Variants in FOXN3 observed in about 807,000 individuals in gnomAD.
The protein encoded by FOXN3 is forkhead box N3, also known as forkhead box protein N3.
Under a neutral mutation model 38.4 loss-of-function variants are expected in FOXN3, and 7 were observed. That is an observed-to-expected ratio of 0.18 (90% CI 0.10 to 0.34). The LOEUF (loss-of-function observed/expected upper bound fraction) is 0.34, where lower values mean the gene tolerates loss of function less well. Ranked by LOEUF, FOXN3 falls within the 10% of genes least tolerant of loss-of-function variation. The pLI, the probability that FOXN3 is intolerant of heterozygous loss-of-function variation, is 1.00. For missense variants in FOXN3, 456 were observed against 613.4 expected, an observed-to-expected ratio of 0.74 and a Z score of 2.71; for synonymous variants, 230 against 242.2, an observed-to-expected ratio of 0.95 and a Z score of 0.47.
chr14:89,430,927 T>G (rs1281930451), intron 1 of FOXN3, among the ~76,000 whole-genome samples: 2 of 152,210 alleles, frequency 1.3e-5, no homozygotes, highest in African/African-American at 4.8e-5. Context: ...GCTAAAGGCA[T>G]GATAAATCAT....
chr14:89,598,853 G>T (rs770664300), intron 1 of FOXN3, among the ~76,000 whole-genome samples: 1 of 152,010 alleles, frequency 6.6e-6, no homozygotes, highest in African/African-American at 2.4e-5. Flanking sequence ...GTTCTCGTTA[G>T]CTTTGTTATC....
At chr14:89,600,304 G>A (rs1430075845) in intron 1 of FOXN3, among the ~76,000 whole-genome samples, 1 of 152,130 alleles carries the variant, frequency 6.6e-6, no homozygotes, top group Non-Finnish European at 1.5e-5. Flanking sequence ...AGACTGTATG[G>A]TCATCCTAAT....
At chr14:89,495,413 T>C (rs1417499347) in intron 1 of FOXN3, among the ~76,000 whole-genome samples, 1 of 152,184 alleles carries the variant, frequency 6.6e-6, no homozygotes, top group Non-Finnish European at 1.5e-5. Context: ...ATGATAATAA[T>C]AATAAATTCA....
At chr14:89,187,737 A>G (rs1388514476) in intron 4 of FOXN3, among the ~76,000 whole-genome samples, 1 of 152,154 alleles carries the variant, frequency 6.6e-6, no homozygotes, top group African/African-American at 2.4e-5. Flanking sequence ...CAAGCTGCAG[A>G]TACATTCCTC....
intron 1 of FOXN3, among the ~76,000 whole-genome samples, chr14:89,556,530 C>T (rs1257863697): frequency 1.3e-5 from 2 of 151,988 alleles, no homozygotes; most frequent in Admixed American, 6.6e-5. Flanking sequence ...GCATACCTAC[C>T]CCTGGAGATC....
At chr14:89,166,040 C>T (rs1887232374) in intron 5 of FOXN3, among the ~76,000 whole-genome samples, 1 of 152,224 alleles carries the variant, frequency 6.6e-6, no homozygotes, top group Non-Finnish European at 1.5e-5. Flanking sequence ...AAAGCAAGTG[C>T]TCCACAGTGC....
intron 1 of FOXN3, among the ~76,000 whole-genome samples, chr14:89,583,224 T>C (rs1357409097): frequency 1.3e-5 from 2 of 152,238 alleles, no homozygotes; most frequent in Non-Finnish European, 2.9e-5. Flanking sequence ...TGCTATGGCT[T>C]GAATGTTTTT....
chr14:89,450,562 A>G (rs953371323), intron 1 of FOXN3, among the ~76,000 whole-genome samples: 1 of 151,490 alleles, frequency 6.6e-6, no homozygotes, highest in Non-Finnish European at 1.5e-5. Flanking sequence ...CAGCTCAGAA[A>G]AAAATAACAT....
chr14:89,261,076 T>C (rs1245128226), intron 4 of FOXN3, among the ~76,000 whole-genome samples: 1 of 152,210 alleles, frequency 6.6e-6, no homozygotes, highest in Non-Finnish European at 1.5e-5. Context: ...ACCCTGGAGT[T>C]GGGGTCATCC....
intron 4 of FOXN3, among the ~76,000 whole-genome samples, chr14:89,251,897 A>G (rs1209936211): frequency 2.0e-5 from 3 of 152,246 alleles, no homozygotes; most frequent in African/African-American, 7.2e-5. Context: ...TGACACAAAC[A>G]TGCTCAACCT....
chr14:89,341,681 A>G (rs1264834044), intron 3 of FOXN3, among the ~76,000 whole-genome samples: 1 of 152,138 alleles, frequency 6.6e-6, no homozygotes, highest in Non-Finnish European at 1.5e-5. Flanking sequence ...ATTGATGAAA[A>G]ATGTGCTATT....
chr14:89,230,219 C>G (rs1280567542), intron 4 of FOXN3, among the ~76,000 whole-genome samples: 1 of 152,232 alleles, frequency 6.6e-6, no homozygotes, highest in African/African-American at 2.4e-5. Context: ...AGGGATAACA[C>G]ACACCCTTTT....
intron 1 of FOXN3, among the ~76,000 whole-genome samples, chr14:89,597,676 T>C (rs1896085449): frequency 6.6e-6 from 1 of 152,122 alleles, no homozygotes. Flanking sequence ...GAATCTTTCT[T>C]ATTATGAAAT....
At chr14:89,516,486 A>C (rs577977533) in intron 1 of FOXN3, among the ~76,000 whole-genome samples, 1 of 152,164 alleles carries the variant, frequency 6.6e-6, no homozygotes, top group Non-Finnish European at 1.5e-5. Context: ...GACTCCAGAA[A>C]ACACATGATA....
chr14:89,405,904 A>G (rs962874341), intron 2 of FOXN3, among the ~76,000 whole-genome samples: 1 of 152,082 alleles, frequency 6.6e-6, no homozygotes, highest in Non-Finnish European at 1.5e-5. Context: ...TCAGAATTGG[A>G]GGGAATCGGG....
In FOXN3 at chr14:89,250,062, T is replaced by C. The variant is rs190349600; in HGVS notation, c.745+30888A>G. 2.0e-3 allele frequency among the ~76,000 whole-genome samples: 308 copies of C among 152,278 alleles called. 1 individual carries two copies. Among genetic ancestry groups the C allele is most frequent in the African/African-American group, 6.9e-3 (288 of 41,554 alleles). On this transcript the variant is annotated intron_variant, in intron 4 of 5. Transcript: ENST00000557258. The stretch of plus-strand genomic sequence containing the variant: ...TACTGTAAGACCCTTTCAGGAAAAG[T>C]GTGCCAAACCCTGAACCAATTTGAC...
intron 3 of FOXN3, among the ~76,000 whole-genome samples, chr14:89,344,390 C>T (rs1287558115): frequency 6.6e-6 from 1 of 151,960 alleles, no homozygotes; most frequent in Non-Finnish European, 1.5e-5. Context: ...CAAGGAAACA[C>T]AAAACAACGC....
intron 1 of FOXN3, among the ~76,000 whole-genome samples, chr14:89,485,533 G>A (rs912055214): frequency 1.3e-5 from 2 of 152,182 alleles, no homozygotes; most frequent in Admixed American, 6.5e-5. Context: ...GATGGCAGGT[G>A]TGTGAGAGTA....
chr14:89,495,098 C>T (rs1566675027), intron 1 of FOXN3, among the ~76,000 whole-genome samples: 1 of 152,152 alleles, frequency 6.6e-6, no homozygotes, highest in Non-Finnish European at 1.5e-5. Context: ...ATATTCATCA[C>T]GGTAGACAAA....
Sources: allele counts gnomAD v4.1 joint callset (sites outside exome capture counted in the v4.1 genomes callset), GRCh38; gene constraint gnomAD v4.1.1; transcripts MANE v1.5; gene names NCBI Gene and HGNC (gene_info 2026-07-23, HGNC 2026-07-21).